The following SYMPK variants were observed in gnomAD, a reference collection of about 807,000 sequenced individuals.
SYMPK encodes symplekin.
SYMPK carries 49 observed loss-of-function variants against 136.4 expected under a neutral mutation model. The observed-to-expected ratio is 0.36, with a 90% CI of 0.29 to 0.46. The LOEUF (loss-of-function observed/expected upper bound fraction) is 0.46, where lower values mean the gene tolerates loss of function less well. Among genes scored for constraint, SYMPK ranks in the 20% least tolerant of loss-of-function variants. SYMPK has a pLI of 1.00. For missense variants in SYMPK, 1,365 were observed against 1,690.0 expected, an observed-to-expected ratio of 0.81 and a Z score of 3.37; for synonymous variants, 766 against 713.0, an observed-to-expected ratio of 1.07 and a Z score of -1.19.
chr19:45,821,122 C>A lies in SYMPK; in HGVS notation c.2893+262G>T. 1.5e-6 allele frequency: 1 copy of A among 676,104 alleles called. No individual in the cohort carries two copies. Among genetic ancestry groups the A allele is most frequent in the South Asian group, 1.6e-5 (1 of 63,766 alleles). 41.9% of individuals were successfully genotyped at this position (676,104 alleles called of 1,614,324 possible). A position where few individuals can be genotyped will look rare whatever the true frequency, so the allele number is the denominator to read the frequency against. On this transcript the variant is annotated intron_variant, in intron 22 of 26. Transcript: ENST00000245934. The surrounding 1 kb of genome is among the most constrained non-coding windows in gnomAD (Gnocchi z 4.4). ...GCTTTAGGCCCACTCTGTGCCAGGG[C>A]ACAGCAGGTACATCAGAGGCAGAAA...
At chr19:45,856,697 G>A (rs143392466) in intron 1 of SYMPK, among the ~76,000 whole-genome samples, 9 of 152,100 alleles carry the variant, frequency 5.9e-5, no homozygotes, top group Admixed American at 5.2e-4. Context: ...GCCAGCTCAC[G>A]CCTGTAATCC....
intron 14 of SYMPK, 96 bp downstream of exon 14, chr19:45,828,874 G>A (rs981882893): frequency 8.2e-7 from 1 of 1,221,650 alleles, no homozygotes; most frequent in Non-Finnish European, 1.2e-6. Context: ...GACTCGGGGG[G>A]TGACGAAGAG....
chr19:45,842,629 G>A (rs1971469565), intron 8 of SYMPK, 140 bp from the exon 9 acceptor site: 1 of 1,167,896 alleles, frequency 8.6e-7, no homozygotes, highest in Non-Finnish European at 1.2e-6. Flanking sequence ...TCTAACGTGT[G>A]GCTTTCCGCC....
chr19:45,840,014 A>G (rs1246843624), intron 9 of SYMPK, among the ~76,000 whole-genome samples: 1 of 152,170 alleles, frequency 6.6e-6, no homozygotes, highest in African/African-American at 2.4e-5. Flanking sequence ...AAAAGTTAAT[A>G]TCTCCAACAA....
chr19:45,821,728 G>T lies in SYMPK; in HGVS notation c.2792-243C>A, dbSNP rs77063121. 6.6e-6 allele frequency among the ~76,000 whole-genome samples: 1 copy of T among 152,238 alleles called. No individual in the cohort carries two copies. Among genetic ancestry groups the T allele is most frequent in the Non-Finnish European group, 1.5e-5 (1 of 68,036 alleles). On this transcript the variant is annotated intron_variant, in intron 21 of 26. Transcript: ENST00000245934. The surrounding 1 kb of genome is among the most constrained non-coding windows in gnomAD (Gnocchi z 4.4). The stretch of plus-strand genomic sequence containing the variant: ...ATCCTGGGCTCCCACCCTGGGTAGC[G>T]TGTGGCACGGCTGGGTCTCTCTGCC...
Position 45,821,771 on chromosome 19 carries a change from C to T in SYMPK, c.2792-286G>A, listed in dbSNP as rs574640832. Among the ~76,000 whole-genome samples the T allele has an allele frequency of 3.5e-4, 53 of 152,280 alleles. No individual in the cohort carries two copies. Among genetic ancestry groups the T allele is most frequent in the Admixed American group, 1.5e-3 (23 of 15,294 alleles). On this transcript the variant is annotated intron_variant, in intron 21 of 26. Coordinates refer to ENST00000245934, the MANE Select transcript of SYMPK (RefSeq NM_004819.3). This position sits in a 1 kb window ranked among gnomAD's most constrained non-coding sequence, Gnocchi z 4.4. The stretch of plus-strand genomic sequence containing the variant: ...TCTCTGCCCCTGGGCTGTGCACCCC[C>T]GAGGGCAGGGTAGGACCACCTCCTC...
chr19:45,845,700 T>C lies in SYMPK; in HGVS notation c.677-1500A>G, dbSNP rs535861479. Among the ~76,000 whole-genome samples, 4 of 152,336 alleles carry C rather than the reference T, an allele frequency of 2.6e-5. No homozygotes were observed. In the South Asian group the frequency reaches 8.3e-4, roughly 32 times the overall value. On this transcript the variant is annotated intron_variant, in intron 7 of 26. Coordinates refer to ENST00000245934, the MANE Select transcript of SYMPK (RefSeq NM_004819.3). ...CTTTTTGATACAGTGATTTCCTTTA[T>C]TTCGGTTACATATCCAGCAGTGGGA...
intron 5 of SYMPK, among the ~76,000 whole-genome samples, chr19:45,850,143 G>A (rs115946586): frequency 2.6e-5 from 4 of 152,028 alleles, no homozygotes; most frequent in South Asian, 4.1e-4. Flanking sequence ...TACTCGGGGG[G>A]GCTGAGGGAG....
chr19:45,844,856 G>A (rs1026839075), intron 7 of SYMPK, among the ~76,000 whole-genome samples: 5 of 151,990 alleles, frequency 3.3e-5, no homozygotes, highest in African/African-American at 9.7e-5. Context: ...TTCCTATACA[G>A]AAACATAACG....
intron 5 of SYMPK, among the ~76,000 whole-genome samples, chr19:45,850,436 A>G (rs1971672759): frequency 6.6e-6 from 1 of 152,238 alleles, no homozygotes; most frequent in Non-Finnish European, 1.5e-5. Flanking sequence ...TTTAATACAC[A>G]GTAGCTAGTC....
intron 1 of SYMPK, among the ~76,000 whole-genome samples, chr19:45,859,297 A>T (rs897916334): frequency 1.0e-4 from 6 of 58,630 alleles, no homozygotes; most frequent in South Asian, 4.7e-4. Flanking sequence ...ACAAGTCTTT[A>T]AAAAAAAAAA....
intron 23 of SYMPK, among the ~76,000 whole-genome samples, chr19:45,817,417 C>CTTTTTTTTTT (rs559430104): frequency 2.8e-5 from 3 of 108,480 alleles, no homozygotes; most frequent in African/African-American, 1.1e-4. Flanking sequence ...TTTTTGTTCT[C>CTTTTTTTTTT]TTTTTTTTTT....
intron 9 of SYMPK, among the ~76,000 whole-genome samples, chr19:45,841,845 T>C (rs1396099524): frequency 1.3e-5 from 2 of 151,548 alleles, no homozygotes; most frequent in South Asian, 2.1e-4. Flanking sequence ...ACCTGGGGAG[T>C]GGTTACTTCT....
chr19:45,835,277 A>G, intron 10 of SYMPK, 49 bp from the exon 11 acceptor site: 2 of 1,516,052 alleles, frequency 1.3e-6, no homozygotes, highest in Non-Finnish European at 1.8e-6. Flanking sequence ...TAACTCAAGA[A>G]GCATTCTTTC....
intron 7 of SYMPK, among the ~76,000 whole-genome samples, chr19:45,845,349 C>T (rs1021083328): frequency 3.3e-5 from 5 of 152,054 alleles, no homozygotes; most frequent in East Asian, 1.9e-4. Flanking sequence ...CCTCCCCAAC[C>T]GCCCATTACC....
At position 45,854,351 on chromosome 19, in the gene SYMPK, G is replaced by T. The variant is rs181852982; in HGVS notation, c.105+40C>A. 2.5e-6 allele frequency: 4 copies of T among 1,608,116 alleles called. No homozygotes were observed. The Admixed American group carries it at 6.7e-5, about 27-fold the overall frequency. ...TAAACAGGGATTGCCAAAGCCAGGG[G>T]CTATGCTTCCTCACTCCAAGCCCTA... On this transcript the variant is annotated intron_variant, in intron 2 of 26. Transcript: ENST00000245934.
In SYMPK at chr19:45,836,588, G is replaced by A. The variant is rs1240610219; in HGVS notation, c.1243-1360C>T. 3.3e-5 allele frequency among the ~76,000 whole-genome samples: 5 copies of A among 151,390 alleles called. No homozygotes were observed. The South Asian group carries it at 6.3e-4, about 19-fold the overall frequency. On this transcript the variant is annotated intron_variant, in intron 10 of 26. Coordinates refer to ENST00000245934, the MANE Select transcript of SYMPK (RefSeq NM_004819.3). ...GGAGCTTACAGTGAGCTGAGACTGC[G>A]CCACTACACTCCAGCCTGGGCAACA...
intron 8 of SYMPK, 91 bp from the exon 9 acceptor site, chr19:45,842,580 C>A: frequency 6.5e-7 from 1 of 1,542,482 alleles, no homozygotes. Context: ...GGGCAGTGGT[C>A]TTGCAGGCAT....
At chr19:45,845,590 A>G (rs1316919483) in intron 7 of SYMPK, among the ~76,000 whole-genome samples, 1 of 151,948 alleles carries the variant, frequency 6.6e-6, no homozygotes, top group Non-Finnish European at 1.5e-5. Flanking sequence ...TTCTTTATCT[A>G]TTACTCTGTT....
Sources: allele counts gnomAD v4.1 joint callset (sites outside exome capture counted in the v4.1 genomes callset), GRCh38; gene constraint gnomAD v4.1.1; non-coding constraint Gnocchi (gnomAD v3.1); transcripts MANE v1.5; gene names NCBI Gene and HGNC (gene_info 2026-07-23, HGNC 2026-07-21).